TBL1X: variants seen among roughly 807,000 people sequenced by gnomAD.
The protein encoded by TBL1X is F-box-like/WD repeat-containing protein TBL1X.
TBL1X carries 10 observed loss-of-function variants against 50.7 expected under a neutral mutation model. The observed-to-expected ratio is 0.20, with a 90% CI of 0.12 to 0.33. The LOEUF (loss-of-function observed/expected upper bound fraction) is 0.33, where lower values mean the gene tolerates loss of function less well. TBL1X is among the 10% of genes least tolerant of loss of function. TBL1X has a pLI of 1.00. For synonymous variants in TBL1X, 190 were observed against 214.7 expected, an observed-to-expected ratio of 0.88 and a Z score of 1.01; for missense variants, 340 against 504.4, an observed-to-expected ratio of 0.67 and a Z score of 3.12.
rs773415934 is a variant in TBL1X at position 9,595,084 on chromosome X, T to TC, written c.-130-45187dup. ...TACAGTGAAGGCACAGGGGACATCT[T>TC]CCTGTCTCCTCTGCAGAGCCAGCGC... On this transcript the variant is annotated intron_variant, in intron 2 of 17. Coordinates refer to ENST00000645353, the MANE Select transcript of TBL1X (RefSeq NM_005647.4). Among the ~76,000 whole-genome samples the TC allele has an allele frequency of 3.6e-5, 4 of 112,007 alleles. No homozygotes were observed. The South Asian group carries it at 1.5e-3, about 42-fold the overall frequency.
intron 2 of TBL1X, among the ~76,000 whole-genome samples, chrX:9,564,636 G>A (rs373498524): frequency 1.3e-3 from 141 of 110,680 alleles, no homozygotes; most frequent in Non-Finnish European, 2.2e-3. Context: ...GGGAGGCTGA[G>A]GCAGGAGAAT....
chrX:9,698,846 G>A (rs914630357), intron 12 of TBL1X, among the ~76,000 whole-genome samples: 6 of 112,043 alleles, frequency 5.4e-5, no homozygotes, highest in Admixed American at 3.8e-4. Flanking sequence ...ATGTGTGGCC[G>A]CTGCTCTGGA....
chrX:9,674,538 A>G (rs986584312), intron 5 of TBL1X, among the ~76,000 whole-genome samples: 3 of 111,201 alleles, frequency 2.7e-5, no homozygotes, highest in African/African-American at 9.8e-5. Flanking sequence ...TGCTGGGATT[A>G]CAAGTGTGAG....
intron 6 of TBL1X, among the ~76,000 whole-genome samples, chrX:9,685,343 TGCAGTG>T (rs2083051315): frequency 8.9e-6 from 1 of 111,811 alleles, no homozygotes; most frequent in South Asian, 3.7e-4. Flanking sequence ...CAGGCTAGGG[TGCAGTG>T]GCACAGTCAT....
chrX:9,494,314 C>G (rs2081961241), intron 1 of TBL1X, among the ~76,000 whole-genome samples: 1 of 111,664 alleles, frequency 9.0e-6, no homozygotes, highest in African/African-American at 3.3e-5. Flanking sequence ...CTTATAGGGT[C>G]TGAGGGTACT....
chrX:9,533,649 A>G (rs1003877568), intron 2 of TBL1X, among the ~76,000 whole-genome samples: 11 of 110,910 alleles, frequency 9.9e-5, no homozygotes, highest in African/African-American at 3.3e-4. Context: ...CAGACAGCAG[A>G]CCCCAAGTAA....
intron 2 of TBL1X, among the ~76,000 whole-genome samples, chrX:9,553,646 C>T (rs927118207): frequency 9.0e-6 from 1 of 111,578 alleles, no homozygotes; most frequent in African/African-American, 3.3e-5. Context: ...CAATGAGAAG[C>T]GACAGCCTCG....
intron 15 of TBL1X, among the ~76,000 whole-genome samples, chrX:9,711,341 C>CA (rs35046287): frequency 0.034 from 2,566 of 76,330 alleles, 99 homozygotes; most frequent in African/African-American, 0.12. Context: ...GACCCCATCT[C>CA]AAAAAAAAAA....
At chrX:9,612,225 A>C (rs1601793689) in intron 2 of TBL1X, among the ~76,000 whole-genome samples, 2 of 112,247 alleles carry the variant, frequency 1.8e-5, no homozygotes, top group South Asian at 7.5e-4. Context: ...TTATGGGCAT[A>C]TAATTAAAAA....
chrX:9,655,676 T>G (rs983321226), intron 5 of TBL1X, among the ~76,000 whole-genome samples: 1 of 111,533 alleles, frequency 9.0e-6, no homozygotes, highest in Non-Finnish European at 1.9e-5. Flanking sequence ...ACTTGATTAT[T>G]TGAAAAGGAA....
At chrX:9,629,722 A>C (rs1024672914) in intron 2 of TBL1X, among the ~76,000 whole-genome samples, 2 of 111,883 alleles carry the variant, frequency 1.8e-5, no homozygotes, top group Non-Finnish European at 3.8e-5. Context: ...GTGCTGGAGA[A>C]CTTTGATAGA....
At chrX:9,692,072 T>A in intron 8 of TBL1X, 41 bp from the exon 9 acceptor site, 5 of 1,211,488 alleles carry the variant, frequency 4.1e-6, no homozygotes, top group Non-Finnish European at 5.6e-6. Flanking sequence ...CTTATCCCAT[T>A]TGAACCAAAC....
chrX:9,492,882 T>G (rs1023778184), intron 1 of TBL1X, among the ~76,000 whole-genome samples: 1 of 42,610 alleles, frequency 2.3e-5, no homozygotes, highest in Admixed American at 2.9e-4. Context: ...TGTGTGTGTG[T>G]GTGTGTGTGT....
Position 9,716,316 on chromosome X carries a change from A to T in TBL1X, c.*70A>T. The T allele has an allele frequency of 2.7e-6, 3 of 1,102,403 alleles. No homozygotes were observed. Among genetic ancestry groups the T allele is most frequent in the Non-Finnish European group, 3.7e-6 (3 of 808,599 alleles). 90.9% of individuals were successfully genotyped at this position (1,102,403 alleles called of 1,213,427 possible). ...CGTGAATGTGTAGGGTTGCAGCTCT[A>T]TTCTCCAAAACTGTAGGAACTTGAC... On this transcript the variant is annotated 3_prime_UTR_variant, in exon 18 of 18. Transcript: ENST00000645353.
intron 5 of TBL1X, among the ~76,000 whole-genome samples, chrX:9,662,927 A>G (rs1437345284): frequency 8.9e-6 from 1 of 112,385 alleles, no homozygotes; most frequent in East Asian, 2.8e-4. Flanking sequence ...ATTGCATTCC[A>G]GCCTGGACAA....
At chrX:9,515,678 C>G (rs1344613020) in intron 2 of TBL1X, among the ~76,000 whole-genome samples, 3 of 112,206 alleles carry the variant, frequency 2.7e-5, no homozygotes, top group Non-Finnish European at 5.6e-5. Flanking sequence ...AAACCGAAGC[C>G]AGGCTCGTTT....
chrX:9,578,720 CA>C (rs2082425233), intron 2 of TBL1X, among the ~76,000 whole-genome samples: 1 of 111,816 alleles, frequency 8.9e-6, no homozygotes, highest in Non-Finnish European at 1.9e-5. Context: ...AAAGATACTG[CA>C]AATTGCGGCA....
intron 1 of TBL1X, among the ~76,000 whole-genome samples, chrX:9,500,871 A>T (rs1224289300): frequency 8.9e-6 from 1 of 111,896 alleles, no homozygotes; most frequent in African/African-American, 3.3e-5. Flanking sequence ...CAATGTCTGG[A>T]GACAGTTTTG....
chrX:9,497,098 A>G (rs1419197227), intron 1 of TBL1X, among the ~76,000 whole-genome samples: 1 of 111,629 alleles, frequency 9.0e-6, no homozygotes, highest in Middle Eastern at 4.2e-3. Context: ...AACCAAACAC[A>G]CACAGTTCTT....
Sources: allele counts gnomAD v4.1 joint callset (sites outside exome capture counted in the v4.1 genomes callset), GRCh38; gene constraint gnomAD v4.1.1; transcripts MANE v1.5; gene names NCBI Gene and HGNC (gene_info 2026-07-23, HGNC 2026-07-21).